The following NEBL variants were observed in gnomAD, a reference collection of about 807,000 sequenced individuals.
NEBL encodes the protein nebulette.
NEBL carries 122 observed loss-of-function variants against 140.2 expected under a neutral mutation model. The observed-to-expected ratio is 0.87, with a 90% CI of 0.75 to 1.01. The LOEUF (loss-of-function observed/expected upper bound fraction) is 1.01, where lower values mean the gene tolerates loss of function less well. Among genes scored for constraint, NEBL ranks in the 50% least tolerant of loss-of-function variants. The pLI is 0.00. For missense variants in NEBL, 1,365 were observed against 1,231.3 expected (o/e 1.11, Z -1.62); for synonymous variants, 436 against 398.9 (o/e 1.09, Z -1.11).
chr10:20,798,994 A>C (rs1836837574), intron 26 of NEBL, among the ~76,000 whole-genome samples: 1 of 152,222 alleles, frequency 6.6e-6, no homozygotes, highest in Admixed American at 6.5e-5. Flanking sequence ...TTAGGGACGT[A>C]ACAGAATGAA....
chr10:20,879,549 G>A (rs1477156480), intron 5 of NEBL, among the ~76,000 whole-genome samples: 1 of 152,124 alleles, frequency 6.6e-6, no homozygotes, highest in Non-Finnish European at 1.5e-5. Context: ...TTTGCTTACT[G>A]CAATTTAATA....
chr10:20,850,609 ATAT>A, intron 10 of NEBL, 107 bp from the exon 11 acceptor site: 2 of 768,834 alleles, frequency 2.6e-6, no homozygotes, highest in South Asian at 3.2e-5. Context: ...GTCTAAAATC[ATAT>A]TATTCTGGCC....
At chr10:20,902,121 T>C (rs758337690), upstream of NEBL, among the ~76,000 whole-genome samples, 19 of 152,096 alleles carry the variant, frequency 1.2e-4, no homozygotes, top group Middle Eastern at 3.4e-3. Context: ...TTTAATAAGG[T>C]GGCCGGGCGC....
rs911963090 is a variant in NEBL, at chr10:20,785,683, T to C, written c.*64A>G. 6.5e-7 allele frequency: 1 copy of C among 1,532,230 alleles called. No homozygotes were observed. The highest frequency in any genetic ancestry group is 8.9e-7 in the Non-Finnish European group (1 of 1,121,528). The allele number at this position is 1,532,230 out of a possible 1,614,324, so 94.9% of individuals were successfully genotyped here. A position where few individuals can be genotyped will look rare whatever the true frequency, so the allele number is the denominator to read the frequency against. On this transcript the variant is annotated 3_prime_UTR_variant, in exon 28 of 28. Transcript: ENST00000377122. Reference sequence around the variant, plus strand: ...GCCAAGTTGTCTTAAAAGTATCTTCTATCTTTTAAAAAGATTAGGTTTGGG... The same window carrying C: ...GCCAAGTTGTCTTAAAAGTATCTTCCATCTTTTAAAAAGATTAGGTTTGGG...
intron 1 of NEBL, among the ~76,000 whole-genome samples, chr10:21,281,329 G>T (rs1527045): frequency 0.17 from 25,173 of 151,550 alleles, 2,382 homozygotes; most frequent in African/African-American, 0.26. Context: ...GGGGTTTTTT[G>T]TGTGTGTGTT....
chr10:20,938,165 G>A lies in NEBL; in HGVS notation c.357+23507C>T, dbSNP rs1453334552. Among the ~76,000 whole-genome samples, 4 of 152,328 alleles carry A rather than the reference G, an allele frequency of 2.6e-5. No homozygotes were observed. The East Asian group carries it at 5.8e-4, about 22-fold the overall frequency. On this transcript the variant is annotated intron_variant, in intron 4 of 6. Transcript: ENST00000417816. ...CCTAAAGTGGGTCCCTGACCCCCGA[G>A]TAGCCTAGCTGGGAGGCACCCCCCA... is the stretch of plus-strand genomic sequence containing the variant.
intron 2 of NEBL, chr10:21,125,822 T>G (rs532785903): frequency 6.2e-7 from 1 of 1,603,824 alleles, no homozygotes; most frequent in East Asian, 2.2e-5. Context: ...CCTTCAGACA[T>G]TTACAAAAAA....
At chr10:21,126,297 A>C in intron 2 of NEBL, 1 of 640,842 alleles carries the variant, frequency 1.6e-6, no homozygotes, top group South Asian at 2.1e-5. Flanking sequence ...TAAGTATAGA[A>C]ATGTTTATAT....
intron 3 of NEBL, among the ~76,000 whole-genome samples, chr10:21,180,184 C>T (rs1027841751): frequency 6.6e-6 from 1 of 151,926 alleles, no homozygotes; most frequent in African/African-American, 2.4e-5. Context: ...GATTATCTCC[C>T]CGAGCCTCCT....
At chr10:21,013,051 C>G (rs1342646230) in intron 3 of NEBL, among the ~76,000 whole-genome samples, 1 of 152,006 alleles carries the variant, frequency 6.6e-6, no homozygotes, top group African/African-American at 2.4e-5. Context: ...ATTTTTGTCT[C>G]TTACATCATT....
intron 4 of NEBL, among the ~76,000 whole-genome samples, chr10:20,956,389 G>A (rs886344339): frequency 6.6e-6 from 1 of 151,804 alleles, no homozygotes; most frequent in Non-Finnish European, 1.5e-5. Flanking sequence ...TTTAAACTTT[G>A]TCTTTAAAGA....
intron 1 of NEBL, among the ~76,000 whole-genome samples, chr10:21,257,779 G>C (rs1257839400): frequency 6.6e-6 from 1 of 152,022 alleles, no homozygotes; most frequent in African/African-American, 2.4e-5. Context: ...CAGCTACTTG[G>C]GAGGCTGAGG....
intron 2 of NEBL, among the ~76,000 whole-genome samples, chr10:21,070,856 T>C (rs1472763083): frequency 6.6e-6 from 1 of 152,150 alleles, no homozygotes; most frequent in South Asian, 2.1e-4. Context: ...TTTCTTTTAT[T>C]GTACACATGA....
intron 4 of NEBL, among the ~76,000 whole-genome samples, chr10:20,960,255 G>T (rs984853869): frequency 6.6e-6 from 1 of 151,970 alleles, no homozygotes; most frequent in African/African-American, 2.4e-5. Context: ...TCCAAAGAAA[G>T]AACTGTTATT....
intron 8 of NEBL, among the ~76,000 whole-genome samples, 179 bp downstream of exon 8, chr10:20,859,534 T>C (rs1161247226): frequency 1.3e-5 from 2 of 152,034 alleles, no homozygotes; most frequent in East Asian, 3.8e-4. Context: ...TAGTAATCAG[T>C]AACCATTAAA....
At chr10:21,112,993 A>G in intron 2 of NEBL, 1 of 288,320 alleles carries the variant, frequency 3.5e-6, no homozygotes, top group Non-Finnish European at 6.5e-6. Context: ...TTTCCACAGA[A>G]AAAAAGTAAA....
At chr10:20,974,896 T>G (rs1836727092) in intron 3 of NEBL, among the ~76,000 whole-genome samples, 1 of 152,184 alleles carries the variant, frequency 6.6e-6, no homozygotes, top group Admixed American at 6.5e-5. Flanking sequence ...ATCCCAAACT[T>G]TGTTAACATT....
At chr10:20,952,904 C>CAAAAAAAAAAAAAAAAAAAAAA (rs34713711) in intron 4 of NEBL, among the ~76,000 whole-genome samples, 1 of 62,346 alleles carries the variant, frequency 1.6e-5, no homozygotes, top group Non-Finnish European at 2.8e-5. Context: ...GACCCTGTCT[C>CAAAAAAAAAAAAAAAAAAAAAA]AAAAAAAAAA....
At chr10:21,203,479 G>C (rs1228684300) in intron 3 of NEBL, among the ~76,000 whole-genome samples, 1 of 152,184 alleles carries the variant, frequency 6.6e-6, no homozygotes, top group Non-Finnish European at 1.5e-5. Flanking sequence ...CTTCATTTCT[G>C]TTTCAGTCTA....
Sources: gnomAD v4.1 joint callset for allele counts (sites outside exome capture counted in the v4.1 genomes callset) on GRCh38, gnomAD v4.1.1 for gene constraint, MANE v1.5 for transcripts, NCBI Gene and HGNC (gene_info 2026-07-23, HGNC 2026-07-21) for gene names.